Variants in MCTP2 observed in about 807,000 individuals in gnomAD.
MCTP2 encodes multiple C2 and transmembrane domain containing 2.
In MCTP2, 132 loss-of-function variants were observed where a neutral mutation model predicts 111.6. The ratio of observed to expected loss-of-function variants is 1.18; its 90% CI spans 1.03 to 1.37. MCTP2 has a LOEUF of 1.37. MCTP2 is among the 40% of genes most tolerant of loss of function. The probability of loss-of-function intolerance (pLI) is 0.00; values close to 1 mark genes in which losing one functional copy is unlikely to be tolerated. For missense variants in MCTP2, 1,183 were observed against 1,067.9 expected, an observed-to-expected ratio of 1.11 and a Z score of -1.50; for synonymous variants, 395 against 387.7, an observed-to-expected ratio of 1.02 and a Z score of -0.22.
chr15:94,393,852 C>A (rs1033372636), intron 14 of MCTP2, among the ~76,000 whole-genome samples: 2 of 151,820 alleles, frequency 1.3e-5, no homozygotes, highest in African/African-American at 4.8e-5. Context: ...GAGTTTGAGG[C>A]CAGCCTGGGC....
chr15:94,384,280 G>C (rs1406628619), intron 13 of MCTP2, among the ~76,000 whole-genome samples, 156 bp downstream of exon 13: 1 of 151,940 alleles, frequency 6.6e-6, no homozygotes, highest in Non-Finnish European at 1.5e-5. Context: ...ATAGAGTGTG[G>C]TGTTAATAAT....
At chr15:94,468,028 A>AAC in intron 20 of MCTP2, among the ~76,000 whole-genome samples, 1 of 151,620 alleles carries the variant, frequency 6.6e-6, no homozygotes, top group Non-Finnish European at 1.5e-5. Flanking sequence ...GACAAGGAAA[A>AAC]ACTGATAAAT....
intron 1 of MCTP2, among the ~76,000 whole-genome samples, chr15:94,287,309 T>C (rs12441311): frequency 0.64 from 96,497 of 151,150 alleles, 30,902 homozygotes; most frequent in African/African-American, 0.7. Context: ...GTTGTTTATT[T>C]TGTTGTTTTA....
At chr15:94,368,799 C>T (rs910215660) in intron 11 of MCTP2, among the ~76,000 whole-genome samples, 1 of 152,112 alleles carries the variant, frequency 6.6e-6, no homozygotes, top group African/African-American at 2.4e-5. Context: ...GACAAATTTA[C>T]CAAATTCATG....
At chr15:94,315,716 G>A in intron 4 of MCTP2, 79 bp downstream of exon 4, 2 of 1,017,268 alleles carry the variant, frequency 2.0e-6, no homozygotes, top group Non-Finnish European at 3.1e-6. Flanking sequence ...TGTCAGTCAG[G>A]CTTTGACATC....
In MCTP2 at chr15:94,440,324, A is replaced by T. The variant is rs749835168; in HGVS notation, c.2208+26A>T. The T allele has an allele frequency of 4.3e-6, 7 of 1,612,646 alleles. No homozygotes were observed. The South Asian group carries it at 7.7e-5, about 18-fold the overall frequency. ...GTAAGCAAGGATTCGGAGTTCTGAC[A>T]TTTGACTGCCGAGAAATGTGTTAAC... On this transcript the variant is annotated intron_variant, in intron 18 of 22. Transcript: ENST00000357742.
At chr15:94,245,523 T>C (rs553060642) in intron 1 of MCTP2, among the ~76,000 whole-genome samples, 26 of 141,728 alleles carry the variant, frequency 1.8e-4, no homozygotes, top group Non-Finnish European at 2.4e-4. Context: ...TATATGTATA[T>C]ATTTATATAC....
rs369204440 is a variant in MCTP2, at chr15:94,351,815, G to A, written c.1006-4322G>A. On this transcript the variant is annotated intron_variant, in intron 8 of 22. Transcript: ENST00000357742. The stretch of plus-strand genomic sequence containing the variant: ...GTCAGTTCTGGAGTGCCACCTAGTT[G>A]AATGTAATCTTGCTTTAGATGGCCG... Among the ~76,000 whole-genome samples, 3 of 152,188 alleles carry A rather than the reference G, an allele frequency of 2.0e-5. No homozygotes were observed. The South Asian group carries it at 6.2e-4, about 32-fold the overall frequency.
intron 1 of MCTP2, among the ~76,000 whole-genome samples, chr15:94,287,060 G>T (rs573727200): frequency 4.7e-4 from 72 of 152,284 alleles, no homozygotes; most frequent in African/African-American, 1.7e-3. Flanking sequence ...TATCCTTCGA[G>T]AGGAAGCAAA....
chr15:94,351,641 A>G (rs768829137), intron 8 of MCTP2, among the ~76,000 whole-genome samples: 1 of 152,178 alleles, frequency 6.6e-6, no homozygotes, highest in African/African-American at 2.4e-5. Context: ...GAGACTATGT[A>G]TGGAGTACCA....
chr15:94,261,503 G>C (rs1208814975), intron 1 of MCTP2, among the ~76,000 whole-genome samples: 2 of 152,132 alleles, frequency 1.3e-5, no homozygotes, highest in Non-Finnish European at 2.9e-5. Context: ...ATGCCTTTTA[G>C]TAATTCTTGC....
chr15:94,375,184 C>G (rs1007864501), intron 12 of MCTP2, among the ~76,000 whole-genome samples: 1 of 152,094 alleles, frequency 6.6e-6, no homozygotes, highest in Non-Finnish European at 1.5e-5. Flanking sequence ...GGGGATGCTA[C>G]ACACTTTTAA....
At position 94,443,241 on chromosome 15, in the gene MCTP2, CT is replaced by C. The variant is rs551413309; in HGVS notation, c.2250+284del. On this transcript the variant is annotated intron_variant, in intron 19 of 22. Transcript: ENST00000357742. ...GATACAAGCCAAGATTAGCCTTCCC[CT>C]TTATAGATAAAAGGTAGCCTGGGAA... Among the ~76,000 whole-genome samples, 11 of 152,210 alleles carry C rather than the reference CT, an allele frequency of 7.2e-5. 1 individual carries two copies. In the South Asian group the frequency reaches 2.3e-3, roughly 32 times the overall value.
chr15:94,287,372 A>T (rs2074810057), intron 1 of MCTP2, among the ~76,000 whole-genome samples: 1 of 152,168 alleles, frequency 6.6e-6, no homozygotes, highest in Admixed American at 6.5e-5. Context: ...TGTTCTGGGA[A>T]ATACGCTGTT....
intron 20 of MCTP2, among the ~76,000 whole-genome samples, chr15:94,462,772 AGGGTCCTCATCTGTAGGAT>A (rs1364254356): frequency 6.6e-6 from 1 of 152,238 alleles, no homozygotes; most frequent in Admixed American, 6.5e-5. Context: ...TTTAGGACTC[AGGGTCCTCATCTGTAGGAT>A]GGGAATAACA....
intron 1 of MCTP2, among the ~76,000 whole-genome samples, chr15:94,279,337 C>G (rs540411374): frequency 4.6e-5 from 7 of 152,210 alleles, no homozygotes; most frequent in Admixed American, 4.6e-4. Flanking sequence ...TTTCACCTCC[C>G]TGGTTAGTTC....
rs1685399293 is a variant in MCTP2 at position 94,479,122 on chromosome 15, G to A, written c.*88G>A. ...TGGCTGTTTCAGTGGTACCCAAGGT[G>A]TCCTTCTGAAATGCATGCCCTGTGG... On this transcript the variant is annotated 3_prime_UTR_variant, in exon 23 of 23. Coordinates refer to ENST00000357742, the MANE Select transcript of MCTP2 (RefSeq NM_001385001.1). The A allele has an allele frequency of 2.2e-6, 3 of 1,342,778 alleles. No individual in the cohort carries two copies. Among genetic ancestry groups the A allele is most frequent in the South Asian group, 1.2e-5 (1 of 85,024 alleles). 83.2% of individuals were successfully genotyped at this position (1,342,778 alleles called of 1,614,324 possible).
intron 21 of MCTP2, 47 bp from the exon 22 acceptor site, chr15:94,476,647 GAT>G: frequency 1.1e-6 from 1 of 897,276 alleles, no homozygotes; most frequent in South Asian, 1.6e-5. Context: ...TAGATAGATA[GAT>G]AGACAGACAG....
intron 1 of MCTP2, among the ~76,000 whole-genome samples, chr15:94,238,495 G>C (rs2070717373): frequency 6.6e-6 from 1 of 151,750 alleles, no homozygotes; most frequent in African/African-American, 2.4e-5. Flanking sequence ...TTTTAAAACT[G>C]CTAAAAAGTA....
Sources: gnomAD v4.1 joint callset for allele counts (sites outside exome capture counted in the v4.1 genomes callset) on GRCh38, gnomAD v4.1.1 for gene constraint, MANE v1.5 for transcripts, NCBI Gene and HGNC (gene_info 2026-07-23, HGNC 2026-07-21) for gene names.